Variants in AUTS2 observed in about 807,000 individuals in gnomAD.
The protein encoded by AUTS2 is autism susceptibility gene 2 protein.
A neutral mutation model predicts 112.4 loss-of-function variants in AUTS2; 17 were observed. That is an observed-to-expected ratio of 0.15 (90% CI 0.10 to 0.23). The LOEUF (loss-of-function observed/expected upper bound fraction) is 0.23. Ranked by LOEUF, AUTS2 falls within the 10% of genes least tolerant of loss-of-function variation. The probability of loss-of-function intolerance (pLI) is 1.00; values close to 1 mark genes in which losing one functional copy is unlikely to be tolerated. For missense variants in AUTS2, 1,510 were observed against 1,701.6 expected, an observed-to-expected ratio of 0.89 and a Z score of 1.98; for synonymous variants, 751 against 702.7, an observed-to-expected ratio of 1.07 and a Z score of -1.09.
intron 4 of AUTS2, among the ~76,000 whole-genome samples, chr7:70,426,333 T>C (rs1795436863): frequency 6.6e-6 from 1 of 152,232 alleles, no homozygotes; most frequent in Non-Finnish European, 1.5e-5. Context: ...CTCTCATTTG[T>C]AGTTTCTCTT....
At chr7:69,692,012 A>G (rs1797369773) in intron 1 of AUTS2, among the ~76,000 whole-genome samples, 1 of 152,180 alleles carries the variant, frequency 6.6e-6, no homozygotes, top group African/African-American at 2.4e-5. Context: ...CAACTGTGCC[A>G]TCCAGCTGAG....
At chr7:69,815,132 T>C (rs1431105015) in intron 1 of AUTS2, among the ~76,000 whole-genome samples, 1 of 152,216 alleles carries the variant, frequency 6.6e-6, no homozygotes, top group Non-Finnish European at 1.5e-5. Flanking sequence ...CAAACTGTGA[T>C]AAGGCATCAA....
chr7:70,393,183 ACCT>A (rs1793939349), intron 4 of AUTS2, among the ~76,000 whole-genome samples: 1 of 151,804 alleles, frequency 6.6e-6, no homozygotes, highest in Admixed American at 6.6e-5. Context: ...CCTGTATCTC[ACCT>A]CCTCGGGAGA....
intron 1 of AUTS2, among the ~76,000 whole-genome samples, chr7:69,600,384 G>T (rs1020521046): frequency 4.6e-5 from 7 of 150,894 alleles, no homozygotes; most frequent in Admixed American, 6.6e-5. Flanking sequence ...ACGGTTCTGT[G>T]TGCTTTCTAC....
At chr7:70,340,194 A>ACC (rs1554372671) in intron 4 of AUTS2, among the ~76,000 whole-genome samples, 2 of 151,006 alleles carry the variant, frequency 1.3e-5, no homozygotes, top group Non-Finnish European at 3.0e-5. Flanking sequence ...ACACACACAC[A>ACC]CCCCGTAATA....
intron 4 of AUTS2, among the ~76,000 whole-genome samples, chr7:70,374,848 G>A (rs549486028): frequency 6.6e-6 from 1 of 152,206 alleles, no homozygotes; most frequent in East Asian, 1.9e-4. Context: ...TTGGACATGT[G>A]CGTGCACACA....
chr7:70,679,131 CAA>C (rs960440444), intron 5 of AUTS2, among the ~76,000 whole-genome samples: 1 of 152,126 alleles, frequency 6.6e-6, no homozygotes, highest in Non-Finnish European at 1.5e-5. Context: ...GGAAGTCAAG[CAA>C]AGAGTTTTTG....
At chr7:69,759,130 G>A (rs1274962174) in intron 1 of AUTS2, among the ~76,000 whole-genome samples, 3 of 152,060 alleles carry the variant, frequency 2.0e-5, no homozygotes, top group Non-Finnish European at 4.4e-5. Context: ...AGAGAGACTC[G>A]GTAATTTGCC....
chr7:70,303,190 C>T (rs572928611), intron 4 of AUTS2, among the ~76,000 whole-genome samples: 16 of 152,188 alleles, frequency 1.1e-4, no homozygotes, highest in African/African-American at 2.6e-4. Flanking sequence ...TGCTCTGTTG[C>T]GCAGGAATGG....
At chr7:70,728,525 A>G (rs999960733) in intron 6 of AUTS2, among the ~76,000 whole-genome samples, 3 of 152,006 alleles carry the variant, frequency 2.0e-5, no homozygotes, top group African/African-American at 7.2e-5. Context: ...CCTGGCCAAC[A>G]TGACGAAACC....
intron 4 of AUTS2, among the ~76,000 whole-genome samples, chr7:70,360,120 A>G (rs1039909194): frequency 6.6e-6 from 1 of 152,206 alleles, no homozygotes; most frequent in Admixed American, 6.5e-5. Context: ...TGAAAGGAAA[A>G]AATAAGCAAG....
intron 5 of AUTS2, among the ~76,000 whole-genome samples, chr7:70,568,574 C>T (rs949580813): frequency 1.3e-5 from 2 of 152,226 alleles, no homozygotes; most frequent in African/African-American, 4.8e-5. Flanking sequence ...TCTTCTCCAT[C>T]GCAGTGAGGA....
chr7:70,725,887 T>C (rs73165392), intron 6 of AUTS2, among the ~76,000 whole-genome samples: 8,740 of 151,678 alleles, frequency 0.058, 329 homozygotes, highest in Non-Finnish European at 0.089. Context: ...CCAGCGTGGG[T>C]GGTGGGCGCC....
chr7:70,646,330 C>T (rs1381260301), intron 5 of AUTS2, among the ~76,000 whole-genome samples: 1 of 152,210 alleles, frequency 6.6e-6, no homozygotes, highest in Admixed American at 6.5e-5. Flanking sequence ...GGGGTTTCAC[C>T]AGAGGGGCCA....
chr7:70,481,677 G>A (rs182563751), intron 5 of AUTS2, among the ~76,000 whole-genome samples: 4 of 152,228 alleles, frequency 2.6e-5, no homozygotes, highest in African/African-American at 9.6e-5. Flanking sequence ...AAATCAATAC[G>A]TCCCCTGTGT....
chr7:69,786,676 A>G (rs538399014), intron 1 of AUTS2, among the ~76,000 whole-genome samples: 5 of 152,204 alleles, frequency 3.3e-5, no homozygotes, highest in African/African-American at 7.2e-5. Context: ...GAAGGAACTA[A>G]CTCTGAACAC....
chr7:70,459,033 C>T (rs1021351961), intron 5 of AUTS2, among the ~76,000 whole-genome samples: 2 of 152,176 alleles, frequency 1.3e-5, no homozygotes, highest in African/African-American at 4.8e-5. Flanking sequence ...TCAGGACTCT[C>T]TTCATTATTA....
In AUTS2 at chr7:70,754,140, G is replaced by A. The variant is rs370215017; in HGVS notation, c.743-8730G>A. On this transcript the variant is annotated intron_variant, in intron 6 of 18. Coordinates refer to ENST00000342771, the MANE Select transcript of AUTS2 (RefSeq NM_015570.4). ...CGCGCCGCTGCACTCCAGCCTGGGC[G>A]ACAGAGCGAGACTCTGTCTCAAAAT... Among the ~76,000 whole-genome samples, 380 of 151,752 alleles carry A rather than the reference G, an allele frequency of 2.5e-3. 5 individuals are homozygous for A. The highest frequency in any genetic ancestry group is 7.6e-3 in the African/African-American group (314 of 41,366).
chr7:70,304,383 T>C (rs2222544), intron 4 of AUTS2, among the ~76,000 whole-genome samples: 46,567 of 152,120 alleles, frequency 0.31, 7,395 homozygotes, highest in African/African-American at 0.38. Flanking sequence ...TTAGTCGATA[T>C]ATCTCTTCGT....
Sources: allele counts gnomAD v4.1 joint callset (sites outside exome capture counted in the v4.1 genomes callset), GRCh38; gene constraint gnomAD v4.1.1; transcripts MANE v1.5; gene names NCBI Gene and HGNC (gene_info 2026-07-23, HGNC 2026-07-21).